Variants in STX7 observed in about 807,000 individuals in gnomAD.
STX7 encodes syntaxin 7, also known as syntaxin-7.
STX7 carries 34 observed loss-of-function variants against 39.6 expected under a neutral mutation model. That is an observed-to-expected ratio of 0.86 (90% CI 0.65 to 1.14). The LOEUF is 1.14. Ranked by LOEUF, STX7 falls within the 50% of genes most tolerant of loss-of-function variation. The pLI is 0.00. For missense variants in STX7, 284 were observed against 310.4 expected (o/e 0.92, Z 0.64); for synonymous variants, 119 against 99.1 (o/e 1.20, Z -1.19).
rs538851291 is a variant in STX7 at position 132,457,516 on chromosome 6, G to A, written c.*3242C>T. On this transcript the variant is annotated 3_prime_UTR_variant, in exon 10 of 10. Coordinates refer to ENST00000367941, the MANE Select transcript of STX7 (RefSeq NM_003569.3). ...TGTTAAACAGAATTTTGTCAAAGAA[G>A]CAGTACACTGTAACACTTTCAGGCT... 9 of 152,302 alleles carry A rather than the reference G, an allele frequency of 5.9e-5. No individual in the cohort carries two copies. In the South Asian group the frequency reaches 1.7e-3, roughly 28 times the overall value. 9.4% of individuals were successfully genotyped at this position (152,302 alleles called of 1,614,324 possible).
At chr6:132,496,017 T>C (rs992071740) in intron 2 of STX7, among the ~76,000 whole-genome samples, 5 of 152,156 alleles carry the variant, frequency 3.3e-5, no homozygotes, top group African/African-American at 9.7e-5. Flanking sequence ...CAAAAATATT[T>C]TTCAGTCACC....
intron 9 of STX7, chr6:132,461,601 C>T (rs932638454): frequency 4.2e-5 from 19 of 452,008 alleles, no homozygotes; most frequent in Admixed American, 2.7e-4. Context: ...TGAGCCACCA[C>T]GCCCAGCCCC....
intron 2 of STX7, among the ~76,000 whole-genome samples, chr6:132,481,590 C>A (rs1775016652): frequency 6.6e-6 from 1 of 152,086 alleles, no homozygotes; most frequent in Admixed American, 6.5e-5. Flanking sequence ...TAAGATAATA[C>A]AATGTCTCAT....
chr6:132,492,877 C>T (rs1775329991), intron 2 of STX7, among the ~76,000 whole-genome samples: 1 of 152,196 alleles, frequency 6.6e-6, no homozygotes, highest in Admixed American at 6.5e-5. Context: ...ATAGGAAATA[C>T]CATACAACTA....
chr6:132,462,038 C>T (rs1338339913), intron 9 of STX7, among the ~76,000 whole-genome samples: 1 of 152,200 alleles, frequency 6.6e-6, no homozygotes, highest in African/African-American at 2.4e-5. Context: ...CACAATTTCT[C>T]TAAAATTTCA....
intron 2 of STX7, among the ~76,000 whole-genome samples, chr6:132,495,936 A>G (rs980975664): frequency 1.3e-5 from 2 of 152,338 alleles, no homozygotes; most frequent in Non-Finnish European, 1.5e-5. Flanking sequence ...ATTTTAAACT[A>G]AAGTCTATGC....
chr6:132,463,476 T>C (rs1015009528), intron 9 of STX7, among the ~76,000 whole-genome samples: 5 of 152,188 alleles, frequency 3.3e-5, no homozygotes, highest in East Asian at 3.8e-4. Flanking sequence ...AATAAATTCA[T>C]TCCTGGTGAA....
intron 2 of STX7, among the ~76,000 whole-genome samples, chr6:132,492,229 C>T (rs781109405): frequency 6.6e-6 from 1 of 152,146 alleles, no homozygotes; most frequent in Non-Finnish European, 1.5e-5. Context: ...CTGTGGGACA[C>T]ATTCCCTTCC....
chr6:132,489,100 G>C (rs1775212712), intron 2 of STX7, among the ~76,000 whole-genome samples: 1 of 151,250 alleles, frequency 6.6e-6, no homozygotes, highest in African/African-American at 2.4e-5. Context: ...TACTCGAGAG[G>C]CTGAAGCACA....
At chr6:132,474,428 A>G (rs1774818353) in intron 3 of STX7, among the ~76,000 whole-genome samples, 1 of 152,150 alleles carries the variant, frequency 6.6e-6, no homozygotes, top group Non-Finnish European at 1.5e-5. Flanking sequence ...TGGAAAAATA[A>G]AATATAAATT....
At chr6:132,500,663 C>T (rs1775535592) in intron 2 of STX7, among the ~76,000 whole-genome samples, 8 of 152,176 alleles carry the variant, frequency 5.3e-5, no homozygotes. Context: ...CTGCTACATT[C>T]CTACAGTTTG....
chr6:132,460,588 A>T lies in STX7; in HGVS notation c.*170T>A. 1 of 459,256 alleles carries T rather than the reference A, an allele frequency of 2.2e-6. No homozygotes were observed. The highest frequency in any genetic ancestry group is 3.8e-6 in the Non-Finnish European group (1 of 264,460). 28.4% of individuals were successfully genotyped at this position (459,256 alleles called of 1,614,324 possible). A position where few individuals can be genotyped will look rare whatever the true frequency, so the allele number is the denominator to read the frequency against. On this transcript the variant is annotated 3_prime_UTR_variant, in exon 10 of 10. Transcript: ENST00000367941. ...TTAGAAAATCTTTCAGTATTAGAAA[A>T]TATCAGATTTAATCCAAAGGAACCA... is the stretch of plus-strand genomic sequence containing the variant.
Position 132,447,924 on chromosome 6 carries a change from T to G in STX7, c.*12834A>C, listed in dbSNP as rs537589840. The G allele has an allele frequency of 1.3e-5, 2 of 152,302 alleles. No homozygotes were observed. The highest frequency in any genetic ancestry group is 3.9e-4 in the East Asian group (2 of 5,192). The allele number at this position is 152,302 out of a possible 1,614,324, so 9.4% of individuals were successfully genotyped here. A position where few individuals can be genotyped will look rare whatever the true frequency, so the allele number is the denominator to read the frequency against. On this transcript the variant is annotated 3_prime_UTR_variant, in exon 10 of 10. Transcript: ENST00000367941. Reference sequence around the variant, plus strand: ...TTTTTCTATGCTTTTTCTTCCTTCTTGCATTTTTGTGGTCTATCAAAGTTG... The same window carrying G: ...TTTTTCTATGCTTTTTCTTCCTTCTGGCATTTTTGTGGTCTATCAAAGTTG...
At chr6:132,492,400 A>T (rs1775313725) in intron 2 of STX7, among the ~76,000 whole-genome samples, 1 of 152,244 alleles carries the variant, frequency 6.6e-6, no homozygotes, top group Non-Finnish European at 1.5e-5. Context: ...AACATATGAC[A>T]TAATTTACTT....
At chr6:132,494,876 G>A (rs951458012) in intron 2 of STX7, among the ~76,000 whole-genome samples, 4 of 152,184 alleles carry the variant, frequency 2.6e-5, no homozygotes, top group African/African-American at 4.8e-5. Flanking sequence ...GACGGAAAGA[G>A]GCAGGAATGG....
At chr6:132,464,108 T>A in intron 8 of STX7, 33 bp from the exon 9 acceptor site, 1 of 1,559,686 alleles carries the variant, frequency 6.4e-7, no homozygotes, top group Non-Finnish European at 8.8e-7. Context: ...ACAAATGTGT[T>A]AAACATGGAT....
chr6:132,505,739 T>TC (rs1554252661), intron 1 of STX7, among the ~76,000 whole-genome samples: 1 of 60,424 alleles, frequency 1.7e-5, no homozygotes, highest in East Asian at 6.3e-4. Context: ...CCAAGTCACT[T>TC]AAAAAAAAAA....
At position 132,460,620 on chromosome 6, in the gene STX7, C is replaced by T. The variant is rs781100202; in HGVS notation, c.*138G>A. The T allele has an allele frequency of 5.2e-5, 30 of 578,332 alleles. No homozygotes were observed. Among genetic ancestry groups the T allele is most frequent in the African/African-American group, 5.0e-4 (26 of 51,804 alleles). 35.8% of individuals were successfully genotyped at this position (578,332 alleles called of 1,614,324 possible). A position where few individuals can be genotyped will look rare whatever the true frequency, so the allele number is the denominator to read the frequency against. On this transcript the variant is annotated 3_prime_UTR_variant, in exon 10 of 10. Transcript: ENST00000367941. ...ATTTAATCCAAAGGAACCACCCCAA[C>T]CCCCCCAATAAAAATAACAAAGTAT...
chr6:132,462,622 T>TGTGTGTGTGTGTGTGTGTG (rs1562320499), intron 9 of STX7, among the ~76,000 whole-genome samples: 2 of 145,250 alleles, frequency 1.4e-5, no homozygotes, highest in African/African-American at 5.1e-5. Context: ...TGTGTGTGTG[T>TGTGTGTGTGTGTGTGTGTG]TTTCAATTAT....
Sources: gnomAD v4.1 joint callset for allele counts (sites outside exome capture counted in the v4.1 genomes callset) on GRCh38, gnomAD v4.1.1 for gene constraint, MANE v1.5 for transcripts, NCBI Gene and HGNC (gene_info 2026-07-23, HGNC 2026-07-21) for gene names.